The following NKAIN2 variants were observed in gnomAD, a reference collection of about 807,000 sequenced individuals.
NKAIN2 encodes sodium/potassium-transporting ATPase subunit beta-1-interacting protein 2.
Under a neutral mutation model 32.6 loss-of-function variants are expected in NKAIN2, and 14 were observed. The observed-to-expected ratio is 0.43, with a 90% CI of 0.28 to 0.67. NKAIN2 has a LOEUF of 0.67. Ranked by LOEUF, NKAIN2 falls within the 30% of genes least tolerant of loss-of-function variation. The probability of loss-of-function intolerance (pLI) is 0.17; values close to 1 mark genes in which losing one functional copy is unlikely to be tolerated. For missense variants in NKAIN2, 198 were observed against 258.3 expected (o/e 0.77, Z 1.60); for synonymous variants, 80 against 87.2 (o/e 0.92, Z 0.46).
chr6:124,023,065 TAA>T (rs1390283192), intron 1 of NKAIN2, among the ~76,000 whole-genome samples: 1,947 of 151,368 alleles, frequency 0.013, 44 homozygotes, highest in African/African-American at 0.045. Flanking sequence ...TATGTATGTA[TAA>T]GTATATATAT....
At chr6:123,884,177 A>G (rs141615289) in intron 1 of NKAIN2, among the ~76,000 whole-genome samples, 195 of 151,954 alleles carry the variant, frequency 1.3e-3, no homozygotes, top group Non-Finnish European at 2.1e-3. Flanking sequence ...TGCTCTCTTC[A>G]TTTAGCTCCC....
chr6:123,962,718 A>C (rs937148403), intron 1 of NKAIN2, among the ~76,000 whole-genome samples: 4 of 152,130 alleles, frequency 2.6e-5, no homozygotes, highest in African/African-American at 7.2e-5. Flanking sequence ...CCCACACATT[A>C]TGTAACCACG....
intron 1 of NKAIN2, among the ~76,000 whole-genome samples, chr6:124,078,616 A>G (rs908936659): frequency 3.3e-5 from 5 of 152,220 alleles, no homozygotes; most frequent in African/African-American, 1.2e-4. Flanking sequence ...TGCATCAAAT[A>G]GCAAATTGAA....
intron 3 of NKAIN2, among the ~76,000 whole-genome samples, chr6:124,603,583 T>C (rs1782386601): frequency 6.6e-6 from 1 of 151,968 alleles, no homozygotes; most frequent in Admixed American, 6.6e-5. Flanking sequence ...TAGTAGAACA[T>C]TTGATTAACT....
At chr6:124,104,253 C>T (rs930507752) in intron 1 of NKAIN2, among the ~76,000 whole-genome samples, 3 of 152,102 alleles carry the variant, frequency 2.0e-5, no homozygotes, top group Admixed American at 6.5e-5. Context: ...GTTTCAGATT[C>T]AGTATCTTCA....
chr6:124,238,548 ATG>A (rs1792899695), intron 1 of NKAIN2, among the ~76,000 whole-genome samples: 2 of 152,128 alleles, frequency 1.3e-5, no homozygotes, highest in Non-Finnish European at 2.9e-5. Flanking sequence ...GGAAAACAGG[ATG>A]ACTGAATAGG....
chr6:123,862,224 G>T (rs1451156320), intron 1 of NKAIN2, among the ~76,000 whole-genome samples: 2 of 152,122 alleles, frequency 1.3e-5, no homozygotes, highest in African/African-American at 4.8e-5. Context: ...CATTTATGGG[G>T]TTGCCTCATG....
intron 1 of NKAIN2, among the ~76,000 whole-genome samples, chr6:123,868,029 C>T (rs896428872): frequency 5.9e-5 from 9 of 152,018 alleles, no homozygotes; most frequent in East Asian, 1.9e-4. Context: ...CCACCACACC[C>T]GGCTAATTTT....
intron 3 of NKAIN2, among the ~76,000 whole-genome samples, chr6:124,407,817 G>A (rs1203822453): frequency 6.6e-6 from 1 of 150,806 alleles, no homozygotes; most frequent in Non-Finnish European, 1.5e-5. Flanking sequence ...CACCAACAGT[G>A]TAAAAGTGTT....
At chr6:124,448,254 C>T (rs1775973232) in intron 3 of NKAIN2, among the ~76,000 whole-genome samples, 1 of 152,092 alleles carries the variant, frequency 6.6e-6, no homozygotes, top group Non-Finnish European at 1.5e-5. Flanking sequence ...TGCTCATTAT[C>T]TTCTATGTGC....
At chr6:124,656,246 A>T (rs1349899202) in intron 3 of NKAIN2, among the ~76,000 whole-genome samples, 3 of 152,240 alleles carry the variant, frequency 2.0e-5, no homozygotes, top group African/African-American at 7.2e-5. Context: ...CTTCCAGATA[A>T]TAACAAGTTA....
intron 3 of NKAIN2, among the ~76,000 whole-genome samples, chr6:124,651,191 G>A (rs920796166): frequency 2.6e-4 from 39 of 151,302 alleles, no homozygotes; most frequent in African/African-American, 8.9e-4. Flanking sequence ...GAGTTAAGCC[G>A]CCAAGGCTTT....
chr6:124,548,240 T>C (rs1780165474), intron 3 of NKAIN2, among the ~76,000 whole-genome samples: 1 of 152,218 alleles, frequency 6.6e-6, no homozygotes, highest in South Asian at 2.1e-4. Flanking sequence ...AATTCATTTG[T>C]TAAGGAATTC....
At chr6:124,199,424 A>G (rs1228386805) in intron 1 of NKAIN2, among the ~76,000 whole-genome samples, 2 of 152,150 alleles carry the variant, frequency 1.3e-5, no homozygotes, top group African/African-American at 2.4e-5. Flanking sequence ...TTCAAGGATG[A>G]CCAGTGTTCA....
chr6:123,957,101 T>G (rs889335170), intron 1 of NKAIN2, among the ~76,000 whole-genome samples: 18 of 152,306 alleles, frequency 1.2e-4, no homozygotes, highest in Admixed American at 5.2e-4. Flanking sequence ...GGCCCCAGTG[T>G]CTGTTGTTCA....
At chr6:124,015,104 TG>T (rs1467790064) in intron 1 of NKAIN2, among the ~76,000 whole-genome samples, 1 of 152,132 alleles carries the variant, frequency 6.6e-6, no homozygotes, top group East Asian at 1.9e-4. Context: ...ACTAGTAGAG[TG>T]TAAAGGGCAT....
intron 1 of NKAIN2, among the ~76,000 whole-genome samples, chr6:124,247,069 C>T (rs956082323): frequency 2.6e-5 from 4 of 151,912 alleles, no homozygotes; most frequent in African/African-American, 4.8e-5. Flanking sequence ...GTGTTGTGTC[C>T]TTCTCATACT....
intron 3 of NKAIN2, among the ~76,000 whole-genome samples, chr6:124,372,382 T>C (rs993417637): frequency 3.3e-5 from 5 of 152,154 alleles, no homozygotes; most frequent in Non-Finnish European, 5.9e-5. Context: ...CTTCAGGGTC[T>C]GTTCCATCTG....
At chr6:124,031,760 C>T (rs1781415648) in intron 1 of NKAIN2, among the ~76,000 whole-genome samples, 1 of 152,118 alleles carries the variant, frequency 6.6e-6, no homozygotes. Context: ...TTTGATTGCA[C>T]TGTGGTCTGA....
Sources: allele counts gnomAD v4.1 joint callset (sites outside exome capture counted in the v4.1 genomes callset), GRCh38; gene constraint gnomAD v4.1.1; transcripts MANE v1.5; gene names NCBI Gene and HGNC (gene_info 2026-07-23, HGNC 2026-07-21).